Variants in ZRANB3 observed in about 807,000 individuals in gnomAD.
ZRANB3 encodes the protein zinc finger RANBP2-type containing 3, also known as DNA annealing helicase and endonuclease ZRANB3.
A neutral mutation model predicts 133.8 loss-of-function variants in ZRANB3; 125 were observed. The ratio of observed to expected loss-of-function variants is 0.93; its 90% CI spans 0.81 to 1.08. ZRANB3 has a LOEUF of 1.08. ZRANB3 is among the 50% of genes least tolerant of loss of function. The pLI, the probability that ZRANB3 is intolerant of heterozygous loss-of-function variation, is 0.00. For synonymous variants in ZRANB3, 387 were observed against 432.7 expected (o/e 0.89, Z 1.31); for missense variants, 1,229 against 1,275.5 (o/e 0.96, Z 0.56).
intron 12 of ZRANB3, among the ~76,000 whole-genome samples, chr2:135,253,849 T>G (rs1157044786): frequency 6.6e-6 from 1 of 152,228 alleles, no homozygotes; most frequent in Non-Finnish European, 1.5e-5. Context: ...CAAGTAGCAC[T>G]GCCTCCAAGA....
intron 15 of ZRANB3, among the ~76,000 whole-genome samples, chr2:135,221,039 T>A (rs1694532536): frequency 6.6e-6 from 1 of 151,900 alleles, no homozygotes; most frequent in Admixed American, 6.6e-5. Flanking sequence ...GTATTTTTAG[T>A]AGAGTCGGGG....
At chr2:135,295,952 T>C (rs539221104) in intron 8 of ZRANB3, among the ~76,000 whole-genome samples, 73 of 152,372 alleles carry the variant, frequency 4.8e-4, no homozygotes, top group African/African-American at 1.7e-3. Flanking sequence ...GATCTGCTGT[T>C]AGTCTGATGG....
chr2:135,252,398 C>T (rs1679441496), intron 12 of ZRANB3, among the ~76,000 whole-genome samples: 1 of 152,020 alleles, frequency 6.6e-6, no homozygotes, highest in African/African-American at 2.4e-5. Flanking sequence ...AGAAAAAAAT[C>T]CCATGACATC....
intron 2 of ZRANB3, among the ~76,000 whole-genome samples, chr2:135,411,412 CT>C (rs1423959525): frequency 5.3e-5 from 8 of 152,214 alleles, no homozygotes; most frequent in Non-Finnish European, 1.5e-5. Context: ...AACCCTACTA[CT>C]GGGTATTTAT....
intron 9 of ZRANB3, among the ~76,000 whole-genome samples, chr2:135,274,529 T>A (rs928690164): frequency 6.6e-6 from 1 of 152,218 alleles, no homozygotes; most frequent in East Asian, 1.9e-4. Context: ...AAACGGTATA[T>A]CCAGGAACAA....
At chr2:135,295,556 T>A (rs1307797535) in intron 8 of ZRANB3, among the ~76,000 whole-genome samples, 2 of 152,336 alleles carry the variant, frequency 1.3e-5, no homozygotes, top group East Asian at 3.9e-4. Context: ...GTCTTTTAAT[T>A]GGAGCATTTA....
intron 2 of ZRANB3, among the ~76,000 whole-genome samples, chr2:135,488,078 T>G (rs1574188118): frequency 6.6e-6 from 1 of 152,168 alleles, no homozygotes; most frequent in African/African-American, 2.4e-5. Context: ...GGTTATTAAC[T>G]GACCTAATTT....
intron 3 of ZRANB3, among the ~76,000 whole-genome samples, chr2:135,380,619 A>C (rs1686646200): frequency 6.6e-6 from 1 of 152,216 alleles, no homozygotes. Flanking sequence ...AACCAATGAG[A>C]AAAAAGACAC....
intron 1 of ZRANB3, among the ~76,000 whole-genome samples, chr2:135,522,578 T>G: frequency 6.6e-6 from 1 of 152,086 alleles, no homozygotes; most frequent in East Asian, 1.9e-4. Context: ...GGCAGGCAGA[T>G]CACCTGAGGT....
At chr2:135,389,699 C>T (rs1337428622) in intron 3 of ZRANB3, among the ~76,000 whole-genome samples, 6 of 152,042 alleles carry the variant, frequency 3.9e-5, no homozygotes, top group East Asian at 3.9e-4. Flanking sequence ...AGCCAGATTC[C>T]GTCTCAAAAG....
At chr2:135,504,520 A>G in intron 1 of ZRANB3, 24 bp from the exon 2 acceptor site, 1 of 1,591,560 alleles carries the variant, frequency 6.3e-7, no homozygotes, top group Non-Finnish European at 8.5e-7. Flanking sequence ...AACAACAAAA[A>G]AGGGAGGGGT....
chr2:135,519,703 G>A (rs1693843075), intron 1 of ZRANB3, among the ~76,000 whole-genome samples: 1 of 152,074 alleles, frequency 6.6e-6, no homozygotes, highest in Non-Finnish European at 1.5e-5. Context: ...CAACAAATGT[G>A]TATTCGGTTG....
At chr2:135,523,472 A>C (rs1694028549) in intron 1 of ZRANB3, among the ~76,000 whole-genome samples, 1 of 152,224 alleles carries the variant, frequency 6.6e-6, no homozygotes, top group Admixed American at 6.5e-5. Flanking sequence ...ATAAATCAGG[A>C]ATCATAGACT....
At chr2:135,433,800 T>C (rs953862835) in intron 2 of ZRANB3, among the ~76,000 whole-genome samples, 1 of 151,856 alleles carries the variant, frequency 6.6e-6, no homozygotes, top group Admixed American at 6.6e-5. Flanking sequence ...ATCGAGACCA[T>C]CTTGGCCAAC....
intron 12 of ZRANB3, among the ~76,000 whole-genome samples, chr2:135,233,467 G>A (rs539483052): frequency 6.6e-6 from 1 of 152,132 alleles, no homozygotes; most frequent in African/African-American, 2.4e-5. Flanking sequence ...TCCTCGAGAA[G>A]AGCAACTCCA....
At chr2:135,436,619 C>T (rs1689544549) in intron 2 of ZRANB3, among the ~76,000 whole-genome samples, 1 of 152,074 alleles carries the variant, frequency 6.6e-6, no homozygotes, top group Non-Finnish European at 1.5e-5. Context: ...AGAGAAGATA[C>T]AAACAAATGG....
intron 11 of ZRANB3, 79 bp from the exon 12 acceptor site, chr2:135,265,765 T>G (rs1680210607): frequency 7.0e-7 from 1 of 1,435,726 alleles, no homozygotes; most frequent in Non-Finnish European, 9.4e-7. Flanking sequence ...GATTTTGCAT[T>G]TAAATCATAA....
intron 17 of ZRANB3, among the ~76,000 whole-genome samples, chr2:135,212,522 G>A (rs1326136585): frequency 6.6e-6 from 1 of 152,142 alleles, no homozygotes; most frequent in Non-Finnish European, 1.5e-5. Context: ...TCCTACAAGA[G>A]GTTTAAGAAT....
chr2:135,408,535 T>C (rs1042018810), intron 2 of ZRANB3, among the ~76,000 whole-genome samples: 3 of 152,202 alleles, frequency 2.0e-5, no homozygotes, highest in East Asian at 1.9e-4. Flanking sequence ...CGTATGTTTA[T>C]TGCGGCACTA....
Sources: allele counts gnomAD v4.1 joint callset (sites outside exome capture counted in the v4.1 genomes callset), GRCh38; gene constraint gnomAD v4.1.1; transcripts MANE v1.5; gene names NCBI Gene and HGNC (gene_info 2026-07-23, HGNC 2026-07-21).